Variants in TSPAN10 observed in about 807,000 individuals in gnomAD.
TSPAN10 encodes the protein tetraspanin-10.
Under a neutral mutation model 15.0 loss-of-function variants are expected in TSPAN10, and 11 were observed. The observed-to-expected ratio is 0.73, with a 90% CI of 0.46 to 1.21. The LOEUF (loss-of-function observed/expected upper bound fraction) is 1.21, where lower values mean the gene tolerates loss of function less well. TSPAN10 is among the 50% of genes most tolerant of loss of function. The pLI is 0.00. For synonymous variants in TSPAN10, 241 were observed against 226.2 expected (o/e 1.07, Z -0.59); for missense variants, 486 against 470.6 (o/e 1.03, Z -0.30).
At chr17:81,640,398 C>T (rs1017753608), upstream of TSPAN10, among the ~76,000 whole-genome samples, 1 of 151,988 alleles carries the variant, frequency 6.6e-6, no homozygotes, top group Non-Finnish European at 1.5e-5. Flanking sequence ...TGTGTCCCAC[C>T]GTGTGTCCCA....
chr17:81,648,058 G>T, exon 3 of TSPAN10: 1 of 1,574,622 alleles, frequency 6.4e-7, no homozygotes. Context: ...GTACCTGGAG[G>T]GCTGCGGCCC....
chr17:81,644,592 A>T (rs1453706044), intron 1 of TSPAN10, among the ~76,000 whole-genome samples: 1 of 152,180 alleles, frequency 6.6e-6, no homozygotes, highest in East Asian at 1.9e-4. Flanking sequence ...CTGGGGACGC[A>T]GCCCCGCCTG....
chr17:81,648,712 C>T (rs879551819), downstream of TSPAN10: 2 of 160,188 alleles, frequency 1.2e-5, no homozygotes, highest in Non-Finnish European at 2.7e-5. Context: ...ATGTTTTATT[C>T]GGGTGTATCA....
chr17:81,637,686 C>A (rs2036123585), upstream of TSPAN10: 2 of 277,836 alleles, frequency 7.2e-6, no homozygotes, highest in African/African-American at 2.2e-5. Context: ...GTAATCCCAG[C>A]ACTTTGGGAG....
chr17:81,643,021 A>G (rs1056634085), intron 1 of TSPAN10, among the ~76,000 whole-genome samples: 14 of 148,254 alleles, frequency 9.4e-5, no homozygotes, highest in Non-Finnish European at 2.1e-4. Flanking sequence ...ATATATATAT[A>G]TTTAGATAGA....
At chr17:81,647,707 T>TACGTTATAGAA in intron 2 of TSPAN10, 194 bp from the exon 4 acceptor site, 1 of 654,466 alleles carries the variant, frequency 1.5e-6, no homozygotes, top group South Asian at 1.8e-5. Flanking sequence ...TGCACAGGGA[T>TACGTTATAGAA]ACGTTATAGA....
At position 81,643,153 on chromosome 17, in the gene TSPAN10, T is replaced by C. The variant is rs533179000; in HGVS notation, c.36+705T>C. Among the ~76,000 whole-genome samples the C allele has an allele frequency of 4.0e-5, 6 of 150,716 alleles. No homozygotes were observed. In the South Asian group the frequency reaches 1.3e-3, roughly 31 times the overall value. On this transcript the variant is annotated intron_variant, in intron 1 of 2. Transcript: ENST00000611590. ...CTGAGTAGCTGGGATTACAGGCACATGCCACCACACCCAGCTAATTTTTTT... is the reference window on the plus strand; with the variant it reads ...CTGAGTAGCTGGGATTACAGGCACACGCCACCACACCCAGCTAATTTTTTT...
intron 1 of TSPAN10, among the ~76,000 whole-genome samples, chr17:81,642,992 A>C (rs1377142299): frequency 1.1e-5 from 1 of 88,234 alleles, no homozygotes; most frequent in Admixed American, 1.3e-4. Context: ...TCTCTACAAA[A>C]TATTATATAT....
chr17:81,645,456 G>T (rs538431953), exon 2 of TSPAN10: 5 of 1,588,884 alleles, frequency 3.1e-6, no homozygotes, highest in Non-Finnish European at 4.3e-6. Flanking sequence ...AGGCCGTGGC[G>T]GGGGCCCTGG....
chr17:81,645,925 C>T (rs746293488), intron 2 of TSPAN10: 1 of 556,802 alleles, frequency 1.8e-6, no homozygotes. Flanking sequence ...TGTTCATACA[C>T]ACACGTGTCA....
rs1438501757 is a variant in TSPAN10, at chr17:81,648,080, G to T, written c.854G>T (p.Arg285Leu). The change falls in exon 3 of 3, where the codon CGG (arginine) becomes CTG (leucine). Residue 285 changes from arginine to leucine, a missense_variant. By Grantham distance (102) the Arg-to-Leu change is moderately radical (BLOSUM62 -2). Transcript: ENST00000611590. ...GAGGGCTGCGGCCCGCCGCTCCGGC[G>T]GTGGCTGCGCGCGAACCTGGCTGCC... The T allele has an allele frequency of 5.0e-6, 8 of 1,590,714 alleles. No individual in the cohort carries two copies. The Admixed American group carries it at 1.2e-4, about 24-fold the overall frequency.
upstream of TSPAN10, among the ~76,000 whole-genome samples, chr17:81,640,347 CAT>C (rs78672109): frequency 0.1 from 15,725 of 152,142 alleles, 884 homozygotes; most frequent in Middle Eastern, 0.18. Flanking sequence ...CGAGACCTCA[CAT>C]GTTTTTTCTT....
In TSPAN10 at chr17:81,648,163, GC is replaced by G; in HGVS notation, c.940del (p.Arg314GlyfsTer?). ...GCAGGGCGCGGAGCTCCTGCTGGCC[GC>G]CCGGCTACTCGGGGCCCTCGCTGCC... On this transcript the variant is annotated frameshift_variant, in exon 3 of 3. Transcript: ENST00000611590. LOFTEE classifies it low-confidence loss of function (END_TRUNC). 6.8e-7 allele frequency: 1 copy of G among 1,464,202 alleles called. No individual in the cohort carries two copies. Among genetic ancestry groups the G allele is most frequent in the Non-Finnish European group, 8.9e-7 (1 of 1,120,246 alleles). 90.7% of individuals were successfully genotyped at this position (1,464,202 alleles called of 1,614,324 possible).
rs1045092263 is a variant in TSPAN10 at position 81,648,268 on chromosome 17, C to T, written c.1042C>T (p.Pro348Ser). 8.2e-6 allele frequency: 10 copies of T among 1,214,060 alleles called. No homozygotes were observed. In the African/African-American group the frequency reaches 1.3e-4, roughly 15 times the overall value. The allele number at this position is 1,214,060 out of a possible 1,614,324, so 75.2% of individuals were successfully genotyped here. A position where few individuals can be genotyped will look rare whatever the true frequency, so the allele number is the denominator to read the frequency against. The change falls in exon 3 of 3, where the codon CCC becomes TCC. Residue 348 changes from proline (P) to serine (S), a missense_variant. Transcript: ENST00000611590. ...CCAGAGCCCCAGCCCCGGCGCCCCG[C>T]CCGCTGCCAAGCCCGCCCGGGGCTG...
At chr17:81,645,528 C>T (rs2036239122) in exon 2 of TSPAN10, 2 of 1,598,460 alleles carry the variant, frequency 1.3e-6, no homozygotes, top group Non-Finnish European at 1.7e-6. Flanking sequence ...TGGCCATCGC[C>T]CACTACCAGG....
chr17:81,646,572 CAGG>C (rs1838204981), intron 2 of TSPAN10: 1 of 151,132 alleles, frequency 6.6e-6, no homozygotes. Flanking sequence ...CCCAGCTACT[CAGG>C]AGGCTGAGGC....
At chr17:81,642,576 G>A (rs372265183) in intron 1 of TSPAN10, 128 bp downstream of exon 2, 8 of 962,616 alleles carry the variant, frequency 8.3e-6, no homozygotes, top group African/African-American at 6.6e-5. Flanking sequence ...TCAATGCTGA[G>A]ATTGGGTTGA....
intron 1 of TSPAN10, among the ~76,000 whole-genome samples, chr17:81,644,423 G>A (rs879586120): frequency 1.2e-4 from 14 of 120,146 alleles, no homozygotes; most frequent in Non-Finnish European, 2.2e-4. Context: ...CCGTTGGTGG[G>A]GCCGAAGAAT....
upstream of TSPAN10, among the ~76,000 whole-genome samples, chr17:81,640,970 C>T (rs774471964): frequency 2.0e-5 from 3 of 151,820 alleles, no homozygotes; most frequent in South Asian, 2.1e-4. Context: ...GTCAGGAGGT[C>T]GAGACCAGAC....
Sources: allele counts gnomAD v4.1 joint callset (sites outside exome capture counted in the v4.1 genomes callset), GRCh38; gene constraint gnomAD v4.1.1; transcripts MANE v1.5; gene names NCBI Gene and HGNC (gene_info 2026-07-23, HGNC 2026-07-21).